Variants in CAMKMT observed in about 807,000 individuals in gnomAD.
The protein encoded by CAMKMT is calmodulin-lysine N-methyltransferase, also known as CaM KMT.
Under a neutral mutation model 48.0 loss-of-function variants are expected in CAMKMT, and 53 were observed. The observed-to-expected ratio is 1.10, with a 90% CI of 0.89 to 1.39. CAMKMT has a LOEUF of 1.39. Ranked by LOEUF, CAMKMT falls within the 40% of genes most tolerant of loss-of-function variation. The probability of loss-of-function intolerance (pLI) is 0.00; values close to 1 mark genes in which losing one functional copy is unlikely to be tolerated. For synonymous variants in CAMKMT, 165 were observed against 152.3 expected, an observed-to-expected ratio of 1.08 and a Z score of -0.61; for missense variants, 428 against 402.7, an observed-to-expected ratio of 1.06 and a Z score of -0.54.
At chr2:44,604,893 G>C (rs1457166531) in intron 3 of CAMKMT, among the ~76,000 whole-genome samples, 2 of 152,026 alleles carry the variant, frequency 1.3e-5, no homozygotes, top group African/African-American at 4.8e-5. Context: ...CAAATAGGCT[G>C]TTTGTGGCTC....
In CAMKMT at chr2:44,434,300, T is replaced by A. The variant is rs191095033; in HGVS notation, c.376+43995T>A. Among the ~76,000 whole-genome samples the A allele has an allele frequency of 1.3e-3, 192 of 151,300 alleles. 2 individuals carry two copies. The East Asian group carries it at 0.025, about 20-fold the overall frequency. Reference sequence around the variant, plus strand: ...AGACTTTTAAAAAACCATCTGTTTATCTGAAGCACAGGAAGTGCATCCGTC... The same window carrying A: ...AGACTTTTAAAAAACCATCTGTTTAACTGAAGCACAGGAAGTGCATCCGTC... On this transcript the variant is annotated intron_variant, in intron 3 of 10. Coordinates refer to ENST00000378494, the MANE Select transcript of CAMKMT (RefSeq NM_024766.5).
chr2:44,523,816 C>T (rs1287444020), intron 3 of CAMKMT, among the ~76,000 whole-genome samples: 3 of 139,202 alleles, frequency 2.2e-5, no homozygotes, highest in East Asian at 2.2e-4. Flanking sequence ...CTCGCCCTGT[C>T]ACCCAGGCTG....
At chr2:44,596,725 C>G (rs1399561341) in intron 3 of CAMKMT, among the ~76,000 whole-genome samples, 1 of 152,088 alleles carries the variant, frequency 6.6e-6, no homozygotes, top group Non-Finnish European at 1.5e-5. Context: ...GTGCTTGCAT[C>G]ATCACAGACC....
intron 3 of CAMKMT, among the ~76,000 whole-genome samples, chr2:44,579,407 C>A (rs1669415954): frequency 6.6e-6 from 1 of 152,130 alleles, no homozygotes; most frequent in African/African-American, 2.4e-5. Context: ...GCACCAAACG[C>A]TTACCTGTCA....
chr2:44,631,471 T>C, intron 3 of CAMKMT: 1 of 599,776 alleles, frequency 1.7e-6, no homozygotes, highest in Non-Finnish European at 2.9e-6. Flanking sequence ...AAAAAACAAT[T>C]TTTTATTTTT....
Position 44,414,556 on chromosome 2 carries a change from CAG to C in CAMKMT, c.376+24256_376+24257del, listed in dbSNP as rs1209692823. On this transcript the variant is annotated intron_variant, in intron 3 of 10. Coordinates refer to ENST00000378494, the MANE Select transcript of CAMKMT (RefSeq NM_024766.5). ...CCACTAGAGTGTAAGATCAGAGAGA[CAG>C]AGAGTGGACACCCAAGATGAGAGTC... Among the ~76,000 whole-genome samples, 75 of 152,268 alleles carry C rather than the reference CAG, an allele frequency of 4.9e-4. 1 individual carries two copies. Among genetic ancestry groups the C allele is most frequent in the African/African-American group, 1.7e-3 (71 of 41,544 alleles).
At chr2:44,442,637 C>A (rs2054408) in intron 3 of CAMKMT, among the ~76,000 whole-genome samples, 1 of 152,168 alleles carries the variant, frequency 6.6e-6, no homozygotes, top group Non-Finnish European at 1.5e-5. Context: ...TGACCGACTT[C>A]TACTGATGTT....
intron 7 of CAMKMT, among the ~76,000 whole-genome samples, chr2:44,725,819 T>C (rs1232860198): frequency 6.6e-6 from 1 of 151,766 alleles, no homozygotes; most frequent in East Asian, 1.9e-4. Context: ...ACTTCTAAGG[T>C]TCCAAGAGAA....
At chr2:44,571,534 G>A (rs1263065116) in intron 3 of CAMKMT, among the ~76,000 whole-genome samples, 2 of 152,162 alleles carry the variant, frequency 1.3e-5, no homozygotes, top group Non-Finnish European at 2.9e-5. Context: ...GCAATCCTGT[G>A]TATTCTCTTA....
intron 3 of CAMKMT, among the ~76,000 whole-genome samples, chr2:44,452,912 C>T (rs113209183): frequency 0.011 from 1,602 of 152,034 alleles, 33 homozygotes; most frequent in African/African-American, 0.037. Context: ...AAGAATGGTT[C>T]GGCTGCAGGT....
chr2:44,634,800 C>CAAAAAAAAAAAAAAAAA (rs4039616), intron 3 of CAMKMT, among the ~76,000 whole-genome samples: 1 of 110,162 alleles, frequency 9.1e-6, no homozygotes, highest in African/African-American at 3.6e-5. Context: ...GAGGGCTAGC[C>CAAAAAAAAAAAAAAAAA]AAAAAAAAAA....
intron 3 of CAMKMT, among the ~76,000 whole-genome samples, chr2:44,699,601 A>ATT (rs144755984): frequency 2.0e-5 from 3 of 149,522 alleles, no homozygotes; most frequent in Admixed American, 6.7e-5. Context: ...CTTTTCTCTT[A>ATT]TTTTTTTTTT....
chr2:44,544,066 A>G (rs1027852611), intron 3 of CAMKMT, among the ~76,000 whole-genome samples: 2 of 152,142 alleles, frequency 1.3e-5, no homozygotes, highest in African/African-American at 4.8e-5. Flanking sequence ...AATAATTTGA[A>G]AAAGACGTTT....
At chr2:44,708,945 A>T (rs1271539212) in intron 6 of CAMKMT, among the ~76,000 whole-genome samples, 2 of 152,078 alleles carry the variant, frequency 1.3e-5, no homozygotes, top group African/African-American at 2.4e-5. Flanking sequence ...GTCAGAAACC[A>T]ATTAGAACTT....
At chr2:44,753,991 C>T (rs2104389318) in intron 8 of CAMKMT, 64 bp from the exon 9 acceptor site, 1 of 1,129,034 alleles carries the variant, frequency 8.9e-7, no homozygotes, top group Non-Finnish European at 1.3e-6. Context: ...GTACTTATCT[C>T]CATTAGTATC....
chr2:44,426,746 G>C (rs1035978034), intron 3 of CAMKMT, among the ~76,000 whole-genome samples: 6 of 152,072 alleles, frequency 3.9e-5, no homozygotes, highest in African/African-American at 1.4e-4. Flanking sequence ...TGCCCATACT[G>C]CCCAAAGCAA....
At chr2:44,681,559 G>T (rs1376513109) in intron 3 of CAMKMT, among the ~76,000 whole-genome samples, 2 of 150,138 alleles carry the variant, frequency 1.3e-5, no homozygotes, top group African/African-American at 2.5e-5. Context: ...TTTTTTTGGA[G>T]GGGGAGGGGA....
chr2:44,603,975 G>A, intron 3 of CAMKMT, among the ~76,000 whole-genome samples: 1 of 152,270 alleles, frequency 6.6e-6, no homozygotes, highest in Non-Finnish European at 1.5e-5. Flanking sequence ...ATAAGACCTG[G>A]TACAGTTGTC....
chr2:44,383,934 A>C (rs1680515308), intron 2 of CAMKMT, among the ~76,000 whole-genome samples: 1 of 152,168 alleles, frequency 6.6e-6, no homozygotes, highest in African/African-American at 2.4e-5. Flanking sequence ...TGCTATAAAC[A>C]TGAGTGTGCA....
Sources: gnomAD v4.1 joint callset for allele counts (sites outside exome capture counted in the v4.1 genomes callset) on GRCh38, gnomAD v4.1.1 for gene constraint, MANE v1.5 for transcripts, NCBI Gene and HGNC (gene_info 2026-07-23, HGNC 2026-07-21) for gene names.